Variants in PSMB10 observed in about 807,000 individuals in gnomAD.
PSMB10 encodes the protein proteasome subunit beta type-10.
In PSMB10, 29 loss-of-function variants were observed where a neutral mutation model predicts 29.8. The observed-to-expected ratio is 0.97, with a 90% CI of 0.73 to 1.33. PSMB10 has a LOEUF of 1.33. Ranked by LOEUF, PSMB10 falls within the 40% of genes most tolerant of loss-of-function variation. PSMB10 has a pLI of 0.00. For missense variants in PSMB10, 327 were observed against 369.2 expected (o/e 0.89, Z 0.94); for synonymous variants, 157 against 164.7 (o/e 0.95, Z 0.36).
Position 67,936,424 on chromosome 16 carries a change from T to G in PSMB10, c.118A>C (p.Thr40Pro), listed in dbSNP as rs1185497762. ...TGGAACACCAGGCCCGCGATGGTGGTCCCGGTCTTGCGTGCGTGAGGGACC... is the reference window on the plus strand; with the variant it reads ...TGGAACACCAGGCCCGCGATGGTGGGCCCGGTCTTGCGTGCGTGAGGGACC... ...LKVPHARKTG[T>P]TIAGLVFQDG... The change falls in exon 2 of 8, where the codon ACC becomes CCC. Residue 40 changes from threonine to proline, a missense_variant. Thr to Pro is a conservative substitution (Grantham distance 38, BLOSUM62 -1). Coordinates refer to ENST00000358514, the MANE Select transcript of PSMB10 (RefSeq NM_002801.4). 1 of 1,613,408 alleles carries G rather than the reference T, an allele frequency of 6.2e-7. No individual in the cohort carries two copies. The highest frequency in any genetic ancestry group is 8.5e-7 in the Non-Finnish European group (1 of 1,179,832).
At chr16:67,935,896 C>T (rs2058261347) in intron 4 of PSMB10, 67 bp downstream of exon 4, 4 of 1,566,062 alleles carry the variant, frequency 2.6e-6, no homozygotes, top group South Asian at 1.2e-5. Flanking sequence ...TTCTTTCTGT[C>T]CCGCCTTCCA....
At position 67,936,739 on chromosome 16, in the gene PSMB10, G is replaced by A; in HGVS notation, c.11C>T (p.Pro4Leu). Reference protein sequence around the residue: MLKPALEPRGGFSF... With the variant: MLKLALEPRGGFSF... ...GAAGCCCCCTCGGGGCTCCAGGGCT[G>A]GCTTCAGCATCTTGGGGCAGGCAGA... Residue 4 changes from proline (P) to leucine (L), a missense_variant, in exon 1 of 8, where the codon CCA becomes CTA. Pro to Leu is a moderately conservative substitution (Grantham distance 98). Transcript: ENST00000358514. The A allele has an allele frequency of 1.3e-6, 2 of 1,557,294 alleles. No individual in the cohort carries two copies. Among genetic ancestry groups the A allele is most frequent in the Non-Finnish European group, 1.7e-6 (2 of 1,150,098 alleles).
At chr16:67,936,355 C>G (rs761713466) in intron 2 of PSMB10, 43 bp from the exon 3 acceptor site, 1 of 1,611,034 alleles carries the variant, frequency 6.2e-7, no homozygotes, top group East Asian at 2.2e-5. Flanking sequence ...CTGCTCGATA[C>G]TCTCGGCTCC....
At position 67,934,733 on chromosome 16, in the gene PSMB10, C is replaced by T. The variant is rs2058256056; in HGVS notation, c.711-62G>A. 6 of 1,610,096 alleles carry T rather than the reference C, an allele frequency of 3.7e-6. No individual in the cohort carries two copies. The highest frequency in any genetic ancestry group is 3.3e-4 in the Middle Eastern group (2 of 6,052). On this transcript the variant is annotated intron_variant, in intron 7 of 7. Coordinates refer to ENST00000358514, the MANE Select transcript of PSMB10 (RefSeq NM_002801.4). This position sits in a 1 kb window ranked among gnomAD's most constrained non-coding sequence, Gnocchi z 4.3. ...TGTCATGTGGCCCATCCCCTTTTTG[C>T]AGCCCCCTATCTCCCCTGCTATAGC...
At chr16:67,935,781 C>T (rs1079723) in intron 4 of PSMB10, 84 bp from the exon 5 acceptor site, 2 of 1,518,432 alleles carry the variant, frequency 1.3e-6, no homozygotes, top group Non-Finnish European at 1.8e-6. Context: ...CTATCCCCGC[C>T]CCTTCCTGTG....
At chr16:67,935,770 G>A (rs2058260846) in intron 4 of PSMB10, 73 bp from the exon 5 acceptor site, 2 of 1,530,706 alleles carry the variant, frequency 1.3e-6, no homozygotes, top group Admixed American at 3.7e-5. Context: ...GCTCCTAGGT[G>A]CTATCCCCGC....
chr16:67,934,996 C>T lies in PSMB10; in HGVS notation c.559-48G>A. Reference sequence around the variant, plus strand: ...CCTAACGGGCTCTCTCTGCTGTTAACTTAGGCTACAGCCTGGGGACTTGCC... The same window carrying T: ...CCTAACGGGCTCTCTCTGCTGTTAATTTAGGCTACAGCCTGGGGACTTGCC... On this transcript the variant is annotated intron_variant, in intron 6 of 7. Coordinates refer to ENST00000358514, the MANE Select transcript of PSMB10 (RefSeq NM_002801.4). The surrounding 1 kb of genome is among the most constrained non-coding windows in gnomAD (Gnocchi z 4.3). 1 of 1,591,426 alleles carries T rather than the reference C, an allele frequency of 6.3e-7. No individual in the cohort carries two copies. Among genetic ancestry groups the T allele is most frequent in the Non-Finnish European group, 8.5e-7 (1 of 1,174,038 alleles).
At position 67,936,270 on chromosome 16, in the gene PSMB10, A is replaced by C. The variant is rs762856443; in HGVS notation, c.187T>G (p.Ser63Ala). 1 of 1,613,842 alleles carries C rather than the reference A, an allele frequency of 6.2e-7. No individual in the cohort carries two copies. Among genetic ancestry groups the C allele is most frequent in the Non-Finnish European group, 8.5e-7 (1 of 1,179,934 alleles). Residue 63 changes from serine to alanine, a missense_variant, in exon 3 of 8, where the codon TCG becomes GCG. Physicochemically the swap from Ser to Ala is moderately conservative, Grantham distance 99. Coordinates refer to ENST00000358514, the MANE Select transcript of PSMB10 (RefSeq NM_002801.4). ...LGADTRATND[S>A]VVADKSCEKI... The stretch of plus-strand genomic sequence containing the variant: ...TCGCAGCTCTTGTCCGCCACGACCG[A>C]ATCGTTAGTGGCTCGCGTATCGGCG...
chr16:67,935,037 T>C, intron 6 of PSMB10, 89 bp from the exon 7 acceptor site: 3 of 1,513,574 alleles, frequency 2.0e-6, no homozygotes, highest in Non-Finnish European at 2.7e-6. Flanking sequence ...ACTTACCCAA[T>C]CTGGTCTTGC....
At position 67,936,313 on chromosome 16, in the gene PSMB10, C is replaced by T. The variant is rs748618840; in HGVS notation, c.145-1G>A. The T allele has an allele frequency of 2.5e-5, 40 of 1,613,212 alleles. No individual in the cohort carries two copies. Among genetic ancestry groups the T allele is most frequent in the African/African-American group, 4.0e-5 (3 of 74,908 alleles). On this transcript the variant is annotated splice_acceptor_variant, in intron 2 of 7. Transcript: ENST00000358514. LOFTEE classifies it high-confidence loss of function. ...TATCGGCGCCCAGAATGACCCCGTC[C>T]TGAGGAGAGGGAGGGACCGCAGCTT...
chr16:67,935,386 A>G (rs2058258899), intron 6 of PSMB10, 34 bp downstream of exon 6: 1 of 1,611,988 alleles, frequency 6.2e-7, no homozygotes, highest in African/African-American at 1.3e-5. Context: ...ACATCCCACC[A>G]GCGACCACAA....
intron 6 of PSMB10, 165 bp downstream of exon 6, chr16:67,935,255 G>A (rs1478389572): frequency 2.4e-6 from 2 of 843,602 alleles, no homozygotes; most frequent in Non-Finnish European, 3.7e-6. Flanking sequence ...ATTGGACGGT[G>A]TTATGTCGGG....
rs1248219928 is a variant in PSMB10 at position 67,935,692 on chromosome 16, T to G, written c.389A>C (p.Gln130Pro). Reference protein sequence around the residue: ...RILRQTLFRYQGHVGASLIVG... With the variant: ...RILRQTLFRYPGHVGASLIVG... The stretch of plus-strand genomic sequence containing the variant: ...GATCAGCGATGCACCCACGTGGCCC[T>G]GGTACCTGCTCGAGGATGGGCGGGG... Residue 130 changes from glutamine to proline, a missense_variant, in exon 5 of 8, where the codon CAG becomes CCG. By Grantham distance (76) the Gln-to-Pro change is moderately conservative. Transcript: ENST00000358514. 11 of 1,613,546 alleles carry G rather than the reference T, an allele frequency of 6.8e-6. No homozygotes were observed. The highest frequency in any genetic ancestry group is 9.3e-6 in the Non-Finnish European group (11 of 1,179,952).
intron 1 of PSMB10, 51 bp from the exon 2 acceptor site, chr16:67,936,536 G>GT: frequency 6.5e-7 from 1 of 1,543,068 alleles, no homozygotes; most frequent in Non-Finnish European, 8.8e-7. Flanking sequence ...CAAGACCCCT[G>GT]TTGCTTCCCC....
At chr16:67,935,785 TC>T (rs1299764391) in intron 4 of PSMB10, 88 bp from the exon 5 acceptor site, 12 of 1,507,134 alleles carry the variant, frequency 8.0e-6, no homozygotes, top group Non-Finnish European at 1.1e-5. Flanking sequence ...CCCCGCCCCT[TC>T]CTGTGGGCTG....
chr16:67,935,174 CCTT>C, intron 6 of PSMB10: 2 of 702,280 alleles, frequency 2.8e-6, no homozygotes, highest in Non-Finnish European at 4.7e-6. Context: ...CCCTACTGGT[CCTT>C]CTCTCCGCCC....
intron 4 of PSMB10, 25 bp downstream of exon 4, chr16:67,935,938 G>A: frequency 6.3e-7 from 1 of 1,594,442 alleles, no homozygotes; most frequent in East Asian, 2.3e-5. Context: ...CCCCTGCCGG[G>A]GTCCTGTTAG....
Position 67,936,762 on chromosome 16 carries a change from A to G in PSMB10, c.-13T>C. 1 of 1,553,796 alleles carries G rather than the reference A, an allele frequency of 6.4e-7. No individual in the cohort carries two copies. Among genetic ancestry groups the G allele is most frequent in the Non-Finnish European group, 8.7e-7 (1 of 1,148,428 alleles). On this transcript the variant is annotated 5_prime_UTR_variant, in exon 1 of 8. Transcript: ENST00000358514. ...CTGGCTTCAGCATCTTGGGGCAGGC[A>G]GAGGGGATTAGGGGTCGCGGGCGGA...
Position 67,936,786 on chromosome 16 carries a change from G to A in PSMB10, c.-37C>T. On this transcript the variant is annotated 5_prime_UTR_variant, in exon 1 of 8. Transcript: ENST00000358514. ...CAGAGGGGATTAGGGGTCGCGGGCG[G>A]ATGAGTCGGCCAGACAAGCGGGGCC... The A allele has an allele frequency of 5.2e-6, 8 of 1,535,508 alleles. No individual in the cohort carries two copies. Among genetic ancestry groups the A allele is most frequent in the Non-Finnish European group, 7.0e-6 (8 of 1,135,522 alleles).
Sources: gnomAD v4.1 joint callset for allele counts on GRCh38, gnomAD v4.1.1 for gene constraint, Gnocchi (gnomAD v3.1) non-coding constraint, MANE v1.5 for transcripts, NCBI Gene and HGNC (gene_info 2026-07-23, HGNC 2026-07-21) for gene names.